The following SYN3 variants were observed in gnomAD, a reference collection of about 807,000 sequenced individuals.
The protein encoded by SYN3 is synapsin III, also known as synapsin-3.
In SYN3, 35 loss-of-function variants were observed where a neutral mutation model predicts 65.8. The observed-to-expected ratio is 0.53, with a 90% CI of 0.41 to 0.70. The LOEUF (loss-of-function observed/expected upper bound fraction) is 0.70. Ranked by LOEUF, SYN3 falls within the 30% of genes least tolerant of loss-of-function variation. The pLI, the probability that SYN3 is intolerant of heterozygous loss-of-function variation, is 0.00. For synonymous variants in SYN3, 270 were observed against 292.9 expected (o/e 0.92, Z 0.80); for missense variants, 680 against 749.0 (o/e 0.91, Z 1.08).
At chr22:32,633,746 C>A (rs1021532719) in intron 6 of SYN3, among the ~76,000 whole-genome samples, 11 of 152,106 alleles carry the variant, frequency 7.2e-5, no homozygotes, top group African/African-American at 2.7e-4. Flanking sequence ...CCTCAGCCTC[C>A]CAAAGTAGCT....
chr22:32,593,790 C>T (rs1219611803), intron 7 of SYN3, among the ~76,000 whole-genome samples: 2 of 152,074 alleles, frequency 1.3e-5, no homozygotes, highest in African/African-American at 2.4e-5. Context: ...CAGATGGCAG[C>T]TGAAGCTGAG....
chr22:32,869,690 G>GTTTTTTTT (rs748620876), intron 4 of SYN3, among the ~76,000 whole-genome samples: 1 of 114,926 alleles, frequency 8.7e-6, no homozygotes. Context: ...ACACATCTTG[G>GTTTTTTTT]TTTTTTTTTT....
At chr22:32,735,852 G>T (rs556479677) in intron 6 of SYN3, among the ~76,000 whole-genome samples, 2 of 152,280 alleles carry the variant, frequency 1.3e-5, no homozygotes, top group East Asian at 3.9e-4. Flanking sequence ...CCCTTATGTT[G>T]GTTTGCTGAC....
At position 32,611,325 on chromosome 22, in the gene SYN3, G is replaced by A. The variant is rs181839980; in HGVS notation, c.712-14589C>T. Among the ~76,000 whole-genome samples the A allele has an allele frequency of 1.4e-3, 173 of 122,408 alleles. No individual in the cohort carries two copies. In the Middle Eastern group the frequency reaches 0.019, roughly 13 times the overall value. 80.3% of individuals were successfully genotyped at this position (122,408 alleles called of 152,430 possible). A position where few individuals can be genotyped will look rare whatever the true frequency, so the allele number is the denominator to read the frequency against. On this transcript the variant is annotated intron_variant, in intron 6 of 13. Coordinates refer to ENST00000358763, the MANE Select transcript of SYN3 (RefSeq NM_003490.4). ...TTTTTTGTGGGGGGGATGGAGTCTC[G>A]CCCTGTTGCCCAGGCTGGAGTGCAA... is the stretch of plus-strand genomic sequence containing the variant.
chr22:32,652,243 C>T (rs994704961), intron 6 of SYN3, among the ~76,000 whole-genome samples: 2 of 152,152 alleles, frequency 1.3e-5, no homozygotes, highest in Admixed American at 6.5e-5. Flanking sequence ...GAACAGCCGG[C>T]CAGATTTCAC....
intron 7 of SYN3, among the ~76,000 whole-genome samples, chr22:32,560,209 T>C (rs908901011): frequency 2.0e-5 from 3 of 152,252 alleles, no homozygotes; most frequent in African/African-American, 7.2e-5. Context: ...ACTGGCCCTC[T>C]TCCAAGTGTA....
chr22:32,512,571 AT>A lies in SYN3; in HGVS notation c.*1120del, dbSNP rs1157116048. The A allele has an allele frequency of 6.6e-6, 1 of 152,228 alleles. No homozygotes were observed. The highest frequency in any genetic ancestry group is 1.5e-5 in the Non-Finnish European group (1 of 68,034). The allele number at this position is 152,228 out of a possible 1,614,324, so 9.4% of individuals were successfully genotyped here. A position where few individuals can be genotyped will look rare whatever the true frequency, so the allele number is the denominator to read the frequency against. On this transcript the variant is annotated 3_prime_UTR_variant, in exon 14 of 14. Transcript: ENST00000358763. ...CATCAGTTTGGATTTAACAAAGCTG[AT>A]TTCTTTCCTGCAGGAATTCCGAAAG...
In SYN3 at chr22:32,931,115, A is replaced by G. The variant is rs1342631614; in HGVS notation, c.461+275T>C. ...TGAGAAGTAGAGGACAAAAGGGACTAAATAATATGCCAGAGCAGAGCCTCA... is the reference window on the plus strand; with the variant it reads ...TGAGAAGTAGAGGACAAAAGGGACTGAATAATATGCCAGAGCAGAGCCTCA... On this transcript the variant is annotated intron_variant, in intron 4 of 13. Transcript: ENST00000358763. 4 of 334,914 alleles carry G rather than the reference A, an allele frequency of 1.2e-5. No individual in the cohort carries two copies. In the East Asian group the frequency reaches 2.2e-4, roughly 18 times the overall value. 20.7% of individuals were successfully genotyped at this position (334,914 alleles called of 1,614,324 possible).
rs1403275697 is a variant in SYN3 at position 32,540,619 on chromosome 22, C to A, written c.917+952G>T. On this transcript the variant is annotated intron_variant, in intron 8 of 13. Coordinates refer to ENST00000358763, the MANE Select transcript of SYN3 (RefSeq NM_003490.4). ...CAGAAGTCCCCATTCATCCTTATAA[C>A]CACAGCCCCATGTAATCCGTGCTTT... Among the ~76,000 whole-genome samples, 6 of 152,230 alleles carry A rather than the reference C, an allele frequency of 3.9e-5. 1 individual carries two copies. The highest frequency in any genetic ancestry group is 3.9e-4 in the Admixed American group (6 of 15,286).
chr22:32,884,825 C>T (rs918840130), intron 4 of SYN3, among the ~76,000 whole-genome samples: 1 of 152,018 alleles, frequency 6.6e-6, no homozygotes, highest in Non-Finnish European at 1.5e-5. Flanking sequence ...TGCAGTGAGC[C>T]AAGATCACGC....
intron 3 of SYN3, among the ~76,000 whole-genome samples, chr22:32,978,670 A>G (rs184311474): frequency 5.9e-5 from 9 of 152,192 alleles, no homozygotes; most frequent in African/African-American, 2.2e-4. Context: ...TGGACCTCTC[A>G]TCCCTGGCTT....
At chr22:32,741,952 T>C (rs1172255108) in intron 6 of SYN3, among the ~76,000 whole-genome samples, 2 of 152,148 alleles carry the variant, frequency 1.3e-5, no homozygotes, top group Non-Finnish European at 2.9e-5. Context: ...AGTTTAACAC[T>C]TTCCATTTTT....
chr22:32,672,771 A>G (rs2147072977), intron 6 of SYN3, among the ~76,000 whole-genome samples: 1 of 152,162 alleles, frequency 6.6e-6, no homozygotes, highest in East Asian at 1.9e-4. Context: ...CCACATTGGG[A>G]AACTGGGTGG....
At chr22:32,834,809 G>A (rs2047682398) in intron 6 of SYN3, among the ~76,000 whole-genome samples, 1 of 152,170 alleles carries the variant, frequency 6.6e-6, no homozygotes, top group Non-Finnish European at 1.5e-5. Flanking sequence ...ACCTGGAGAG[G>A]GGTCTGCATG....
intron 13 of SYN3, 22 bp from the exon 14 acceptor site, chr22:32,513,846 G>C (rs1343446129): frequency 1.9e-6 from 3 of 1,613,934 alleles, no homozygotes; most frequent in Admixed American, 3.3e-5. Flanking sequence ...AGGCAAGGGG[G>C]TTGAGGAAGA....
chr22:32,674,525 G>C (rs1383423208), intron 6 of SYN3, among the ~76,000 whole-genome samples: 1 of 152,170 alleles, frequency 6.6e-6, no homozygotes, highest in African/African-American at 2.4e-5. Context: ...GAAAATGTTT[G>C]TTGAATGGGA....
intron 7 of SYN3, among the ~76,000 whole-genome samples, chr22:32,592,522 G>T (rs1386011184): frequency 6.6e-6 from 1 of 152,118 alleles, no homozygotes; most frequent in Non-Finnish European, 1.5e-5. Flanking sequence ...TCCATCTCTT[G>T]TCTTCTAGTC....
chr22:32,839,235 A>C (rs2047823995), intron 6 of SYN3, among the ~76,000 whole-genome samples: 1 of 152,142 alleles, frequency 6.6e-6, no homozygotes, highest in Non-Finnish European at 1.5e-5. Context: ...ATAATCCTGT[A>C]GATACTGCAA....
Position 32,804,246 on chromosome 22 carries a change from T to C in SYN3, c.711+60669A>G, listed in dbSNP as rs552120272. 2.6e-5 allele frequency among the ~76,000 whole-genome samples: 4 copies of C among 152,334 alleles called. No homozygotes were observed. The East Asian group carries it at 7.7e-4, about 29-fold the overall frequency. On this transcript the variant is annotated intron_variant, in intron 6 of 13. Transcript: ENST00000358763. ...TGCACTAGTGGCAGGGATGAGCTAATGCTTTTAAAATGGGAGGTGTGGGTG... is the reference window on the plus strand; with the variant it reads ...TGCACTAGTGGCAGGGATGAGCTAACGCTTTTAAAATGGGAGGTGTGGGTG...
Sources: allele counts gnomAD v4.1 joint callset (sites outside exome capture counted in the v4.1 genomes callset), GRCh38; gene constraint gnomAD v4.1.1; transcripts MANE v1.5; gene names NCBI Gene and HGNC (gene_info 2026-07-23, HGNC 2026-07-21).